PTPRN2: variants seen among roughly 807,000 people sequenced by gnomAD.
PTPRN2 encodes receptor-type tyrosine-protein phosphatase N2.
In PTPRN2, 74 loss-of-function variants were observed where a neutral mutation model predicts 118.8. The ratio of observed to expected loss-of-function variants is 0.62; its 90% confidence interval spans 0.52 to 0.76. The LOEUF (loss-of-function observed/expected upper bound fraction) is 0.76, where lower values mean the gene tolerates loss of function less well. Among genes scored for constraint, PTPRN2 ranks in the 30% least tolerant of loss-of-function variants. PTPRN2 has a pLI of 0.00. For synonymous variants in PTPRN2, 641 were observed against 608.0 expected, an observed-to-expected ratio of 1.05 and a Z score of -0.80; for missense variants, 1,481 against 1,394.4, an observed-to-expected ratio of 1.06 and a Z score of -0.99.
intron 12 of PTPRN2, among the ~76,000 whole-genome samples, chr7:157,686,424 T>TA (rs1175262553): frequency 6.6e-5 from 10 of 152,186 alleles, no homozygotes; most frequent in South Asian, 2.1e-4. Context: ...TTTGTGGAGT[T>TA]AAAAAAAATC....
At chr7:158,041,377 C>G (rs1808456028) in intron 11 of PTPRN2, among the ~76,000 whole-genome samples, 1 of 152,182 alleles carries the variant, frequency 6.6e-6, no homozygotes. Flanking sequence ...GTGGCTCATG[C>G]CCATAATCCC....
intron 1 of PTPRN2, among the ~76,000 whole-genome samples, chr7:158,538,876 C>T (rs182850352): frequency 7.2e-5 from 11 of 152,228 alleles, no homozygotes; most frequent in Admixed American, 1.3e-4. Flanking sequence ...GATGAGGGAA[C>T]GAAGACACGA....
At chr7:158,484,887 G>A (rs903506687) in intron 2 of PTPRN2, among the ~76,000 whole-genome samples, 19 of 152,230 alleles carry the variant, frequency 1.2e-4, no homozygotes, top group African/African-American at 4.6e-4. Flanking sequence ...AGCTGCAGTT[G>A]GAGACGTGAA....
At chr7:157,707,901 C>G (rs1195752414) in intron 12 of PTPRN2, among the ~76,000 whole-genome samples, 1 of 152,214 alleles carries the variant, frequency 6.6e-6, no homozygotes, top group East Asian at 1.9e-4. Flanking sequence ...AGGAAGATTT[C>G]TTATGCTGCT....
At chr7:157,908,458 T>C (rs913062829) in intron 11 of PTPRN2, among the ~76,000 whole-genome samples, 5 of 152,226 alleles carry the variant, frequency 3.3e-5, no homozygotes, top group Admixed American at 1.3e-4. Context: ...AAGCCAATGA[T>C]TTCTGCATAA....
At chr7:157,640,548 T>G (rs1804609217) in intron 14 of PTPRN2, among the ~76,000 whole-genome samples, 1 of 152,196 alleles carries the variant, frequency 6.6e-6, no homozygotes, top group African/African-American at 2.4e-5. Flanking sequence ...GGAATCACAG[T>G]AAGTTTGGAG....
intron 11 of PTPRN2, among the ~76,000 whole-genome samples, chr7:158,053,727 T>G (rs563653187): frequency 1.0e-4 from 15 of 147,896 alleles, no homozygotes; most frequent in African/African-American, 2.8e-4. Context: ...ACCCCAGAGA[T>G]GCAGAGACCC....
chr7:158,475,941 C>A (rs1820221910), intron 2 of PTPRN2, among the ~76,000 whole-genome samples: 1 of 152,228 alleles, frequency 6.6e-6, no homozygotes, highest in Non-Finnish European at 1.5e-5. Flanking sequence ...ACTTGAAAAT[C>A]CAGGGCTGCA....
At chr7:158,381,840 G>GGCA (rs1464262989) in intron 2 of PTPRN2, among the ~76,000 whole-genome samples, 2 of 152,160 alleles carry the variant, frequency 1.3e-5, no homozygotes, top group African/African-American at 2.4e-5. Flanking sequence ...TGTCTTACAT[G>GGCA]GCAGCAGGTA....
At chr7:158,047,571 C>T (rs548611834) in intron 11 of PTPRN2, among the ~76,000 whole-genome samples, 2 of 151,594 alleles carry the variant, frequency 1.3e-5, no homozygotes, top group East Asian at 3.9e-4. Flanking sequence ...GTGTGTGAGG[C>T]CTGCCTGCAG....
At chr7:158,262,734 T>TCA (rs1363643771) in intron 3 of PTPRN2, among the ~76,000 whole-genome samples, 4 of 131,298 alleles carry the variant, frequency 3.0e-5, no homozygotes, top group Admixed American at 7.6e-5. Flanking sequence ...ACACATACAT[T>TCA]CACACACTGC....
intron 17 of PTPRN2, among the ~76,000 whole-genome samples, chr7:157,588,475 C>T (rs1433698265): frequency 6.6e-6 from 1 of 152,194 alleles, no homozygotes; most frequent in South Asian, 2.1e-4. Context: ...ACAGTCCTGC[C>T]TGCGGGGGCT....
intron 11 of PTPRN2, among the ~76,000 whole-genome samples, chr7:158,060,719 C>G (rs569447049): frequency 1.3e-5 from 2 of 152,348 alleles, no homozygotes; most frequent in African/African-American, 4.8e-5. Flanking sequence ...CCACTGCACA[C>G]CAGGCAGCCT....
intron 2 of PTPRN2, among the ~76,000 whole-genome samples, chr7:158,347,578 C>G (rs1418015984): frequency 1.3e-5 from 2 of 152,098 alleles, no homozygotes; most frequent in Non-Finnish European, 2.9e-5. Flanking sequence ...ATTGCCTTGG[C>G]TATTCAGGGT....
At chr7:158,568,076 A>C (rs1015717483) in intron 1 of PTPRN2, among the ~76,000 whole-genome samples, 4 of 152,134 alleles carry the variant, frequency 2.6e-5, no homozygotes, top group African/African-American at 9.7e-5. Context: ...AACATGGTGA[A>C]ACCTCGTATC....
chr7:158,077,349 G>C (rs1314083004), intron 11 of PTPRN2, among the ~76,000 whole-genome samples: 1 of 152,222 alleles, frequency 6.6e-6, no homozygotes, highest in African/African-American at 2.4e-5. Flanking sequence ...GTCACGGAAA[G>C]TCACCGTACC....
chr7:158,459,063 TTG>T (rs1197502264), intron 2 of PTPRN2, among the ~76,000 whole-genome samples: 1 of 152,132 alleles, frequency 6.6e-6, no homozygotes, highest in African/African-American at 2.4e-5. Context: ...CACCGGAGCC[TTG>T]GTGTGGCTGC....
At chr7:158,585,363 A>G (rs1211389328) in intron 1 of PTPRN2, among the ~76,000 whole-genome samples, 2 of 152,236 alleles carry the variant, frequency 1.3e-5, no homozygotes, top group African/African-American at 2.4e-5. Context: ...CCACTGGGGC[A>G]GTTTCCAATT....
chr7:158,490,486 C>T (rs1821368503), intron 1 of PTPRN2, among the ~76,000 whole-genome samples: 2 of 152,212 alleles, frequency 1.3e-5, no homozygotes. Context: ...GCATCCCCCG[C>T]GGCCGAGCAG....
Sources: gnomAD v4.1 joint callset for allele counts (sites outside exome capture counted in the v4.1 genomes callset) on GRCh38, gnomAD v4.1.1 for gene constraint, MANE v1.5 for transcripts, NCBI Gene and HGNC (gene_info 2026-07-23, HGNC 2026-07-21) for gene names.